The following WDR36 variants were observed in gnomAD, a reference collection of about 807,000 sequenced individuals.
WDR36 encodes WD repeat domain 36, also known as WD repeat-containing protein 36.
Under a neutral mutation model 112.7 loss-of-function variants are expected in WDR36, and 63 were observed. The ratio of observed to expected loss-of-function variants is 0.56; its 90% CI spans 0.46 to 0.69. The LOEUF is 0.69. Ranked by LOEUF, WDR36 falls within the 30% of genes least tolerant of loss-of-function variation. WDR36 has a pLI of 0.00. For missense variants in WDR36, 1,226 were observed against 1,070.3 expected (o/e 1.15, Z -2.03); for synonymous variants, 410 against 362.2 (o/e 1.13, Z -1.50).
At chr5:111,113,050 ATAT>A (rs1321519655) in intron 15 of WDR36, 21 bp from the exon 16 acceptor site, 64 of 467,192 alleles carry the variant, frequency 1.4e-4, no homozygotes, top group East Asian at 3.1e-4. Context: ...ATATATATAT[ATAT>A]TTTTTTTTTT....
chr5:111,111,298 A>T lies in WDR36; in HGVS notation c.1716+20A>T, dbSNP rs1561706459. ...GACATGGTAAAACAAACTCTAACTA[A>T]TAAAACTTGACTCATTTCTACTTTT... On this transcript the variant is annotated intron_variant, in intron 15 of 22. Coordinates refer to ENST00000513710, the MANE Select transcript of WDR36 (RefSeq NM_139281.3). 2.5e-6 allele frequency: 4 copies of T among 1,588,158 alleles called. No individual in the cohort carries two copies. The South Asian group carries it at 3.3e-5, about 13-fold the overall frequency.
chr5:111,118,999 A>G lies in WDR36; in HGVS notation c.1797-14A>G. On this transcript the variant is annotated splice_polypyrimidine_tract_variant and intron_variant, in intron 16 of 22. Transcript: ENST00000513710. ...AGAGTTCAAATACTTTTAACATGTT[A>G]ATTATTTCTGTAGCCTTATAGACTG... 10 of 1,596,404 alleles carry G rather than the reference A, an allele frequency of 6.3e-6. No individual in the cohort carries two copies. The highest frequency in any genetic ancestry group is 8.6e-6 in the Non-Finnish European group (10 of 1,164,230).
In WDR36 at chr5:111,128,056, A is replaced by G. The variant is rs1753710632; in HGVS notation, c.*1173A>G. ...CCTGGAGTTTTCTTTTTTTCTCATC[A>G]TCATTGTTTTGTTTTTTTTATGGTT... On this transcript the variant is annotated 3_prime_UTR_variant, in exon 23 of 23. Coordinates refer to ENST00000513710, the MANE Select transcript of WDR36 (RefSeq NM_139281.3). 5.1e-6 allele frequency: 1 copy of G among 195,394 alleles called. No individual in the cohort carries two copies. The allele number at this position is 195,394 out of a possible 1,614,324, so 12.1% of individuals were successfully genotyped here.
chr5:111,098,282 G>T (rs1561701338), intron 3 of WDR36, among the ~76,000 whole-genome samples: 1 of 151,712 alleles, frequency 6.6e-6, no homozygotes, highest in Non-Finnish European at 1.5e-5. Flanking sequence ...AAAGCAGAAG[G>T]GTATGGGGAA....
intron 3 of WDR36, 143 bp downstream of exon 3, chr5:111,097,322 G>T: frequency 1.5e-6 from 1 of 657,808 alleles, no homozygotes; most frequent in Non-Finnish European, 2.7e-6. Context: ...TCAGTTTTCT[G>T]GAGGAAGATA....
intron 1 of WDR36, 81 bp from the exon 2 acceptor site, chr5:111,094,839 G>A: frequency 8.7e-7 from 1 of 1,149,908 alleles, no homozygotes; most frequent in Non-Finnish European, 1.3e-6. Flanking sequence ...TACGTATGAG[G>A]TTATATCTTA....
chr5:111,125,027 G>C (rs185165534), intron 21 of WDR36, among the ~76,000 whole-genome samples: 217 of 152,324 alleles, frequency 1.4e-3, no homozygotes, highest in Non-Finnish European at 1.2e-3. Flanking sequence ...AGTGTACTGA[G>C]TGTGTTTTCC....
chr5:111,125,523 C>T (rs547538069), intron 21 of WDR36, 85 bp from the exon 22 acceptor site: 2 of 1,330,268 alleles, frequency 1.5e-6, no homozygotes, highest in African/African-American at 1.5e-5. Context: ...TTAAATATAT[C>T]CTATTTGGGG....
chr5:111,104,309 G>A lies in WDR36; in HGVS notation c.863G>A (p.Arg288Lys), dbSNP rs146341444. 6.8e-6 allele frequency: 11 copies of A among 1,611,950 alleles called. No homozygotes were observed. The highest frequency in any genetic ancestry group is 1.3e-5 in the African/African-American group (1 of 74,750). ...ATTGCCGGACTGACATTTCTCCATA[G>A]AGAGCCACTTCTTGTCACAAATGGC... ...TAIAGLTFLH[R>K]EPLLVTNGAD... is the part of the protein sequence containing the mutation. The change falls in exon 8 of 23, where the codon AGA becomes AAA. Residue 288 changes from arginine (R) to lysine (K), a missense_variant. Coordinates refer to ENST00000513710, the MANE Select transcript of WDR36 (RefSeq NM_139281.3).
At position 111,126,812 on chromosome 5, in the gene WDR36, T is replaced by C; in HGVS notation, c.2617T>C (p.Trp873Arg). 6.2e-7 allele frequency: 1 copy of C among 1,613,784 alleles called. No homozygotes were observed. The highest frequency in any genetic ancestry group is 8.5e-7 in the Non-Finnish European group (1 of 1,179,826). ...TNLSSQVEENWTHLQSLFNQS... is the reference protein window; with the variant it reads ...TNLSSQVEENRTHLQSLFNQS... ...TTTGTCATCCCAGGTGGAAGAAAACTGGACCCATTTGCAATCACTCTTCAA... is the reference window on the plus strand; with the variant it reads ...TTTGTCATCCCAGGTGGAAGAAAACCGGACCCATTTGCAATCACTCTTCAA... Residue 873 changes from tryptophan to arginine, a missense_variant, in exon 23 of 23, where the codon TGG (tryptophan) becomes CGG (arginine). Coordinates refer to ENST00000513710, the MANE Select transcript of WDR36 (RefSeq NM_139281.3).
intron 3 of WDR36, among the ~76,000 whole-genome samples, chr5:111,098,309 C>G (rs572716999): frequency 6.7e-6 from 1 of 148,490 alleles, no homozygotes; most frequent in Non-Finnish European, 1.5e-5. Context: ...CCTATATCCC[C>G]CTTTCCCATC....
rs935871571 is a variant in WDR36, at chr5:111,130,087, T to C, written c.*3204T>C. 23 of 210,366 alleles carry C rather than the reference T, an allele frequency of 1.1e-4. No individual in the cohort carries two copies. The highest frequency in any genetic ancestry group is 1.8e-4 in the African/African-American group (8 of 44,110). The allele number at this position is 210,366 out of a possible 1,614,324, so 13.0% of individuals were successfully genotyped here. ...TCATGTTCTATAAAAATTGGTTAAC[T>C]GCTGGTGAGCACATCTCTTGAAGTT... On this transcript the variant is annotated 3_prime_UTR_variant, in exon 23 of 23. Transcript: ENST00000513710.
At chr5:111,097,723 A>G (rs750955100) in intron 3 of WDR36, among the ~76,000 whole-genome samples, 5 of 152,322 alleles carry the variant, frequency 3.3e-5, no homozygotes, top group Non-Finnish European at 7.3e-5. Flanking sequence ...TTGTCCTGGA[A>G]CAACTAGCTT....
intron 12 of WDR36, among the ~76,000 whole-genome samples, chr5:111,108,229 GT>G (rs930943967): frequency 6.6e-5 from 10 of 150,744 alleles, no homozygotes; most frequent in African/African-American, 2.2e-4. Context: ...CTGAAGTAGA[GT>G]TTTTTTGTTT....
At chr5:111,108,705 A>G (rs1753267130) in intron 12 of WDR36, among the ~76,000 whole-genome samples, 1 of 151,348 alleles carries the variant, frequency 6.6e-6, no homozygotes, top group Non-Finnish European at 1.5e-5. Flanking sequence ...ACAGCATGGT[A>G]CATTGGTTAG....
Position 111,120,522 on chromosome 5 carries a change from T to C in WDR36, c.1931T>C (p.Val644Ala). ...LWSNISLYSVVSLRPLPADYV... is the reference protein window; with the variant it reads ...LWSNISLYSVASLRPLPADYV... Reference sequence around the variant, plus strand: ...TCCAATATTTCCCTGTATTCAGTTGTTTCATTACGGCCACTTCCTGCAGAT... The same window carrying C: ...TCCAATATTTCCCTGTATTCAGTTGCTTCATTACGGCCACTTCCTGCAGAT... The change falls in exon 18 of 23, where the codon GTT (valine) becomes GCT (alanine). Residue 644 changes from valine (V) to alanine (A), a missense_variant. Val to Ala is a moderately conservative substitution (Grantham distance 64, BLOSUM62 0). Transcript: ENST00000513710. 1 of 1,613,086 alleles carries C rather than the reference T, an allele frequency of 6.2e-7. No individual in the cohort carries two copies. Among genetic ancestry groups the C allele is most frequent in the Non-Finnish European group, 8.5e-7 (1 of 1,179,328 alleles).
intron 2 of WDR36, among the ~76,000 whole-genome samples, chr5:111,095,434 A>T (rs934894073): frequency 6.6e-6 from 1 of 152,196 alleles, no homozygotes; most frequent in African/African-American, 2.4e-5. Context: ...CACTGGGACT[A>T]TGTAAATATC....
Position 111,127,701 on chromosome 5 carries a change from G to A in WDR36, c.*818G>A, listed in dbSNP as rs958899287. The stretch of plus-strand genomic sequence containing the variant: ...TTGCCCAAGGCAAGTCGCTGTAGAT[G>A]GTTAAACTGATACCAAGGATAGGTA... On this transcript the variant is annotated 3_prime_UTR_variant, in exon 23 of 23. Coordinates refer to ENST00000513710, the MANE Select transcript of WDR36 (RefSeq NM_139281.3). The A allele has an allele frequency of 4.7e-6, 1 of 211,308 alleles. No homozygotes were observed. Among genetic ancestry groups the A allele is most frequent in the East Asian group, 7.1e-5 (1 of 14,106 alleles). 13.1% of individuals were successfully genotyped at this position (211,308 alleles called of 1,614,324 possible). A position where few individuals can be genotyped will look rare whatever the true frequency, so the allele number is the denominator to read the frequency against.
At chr5:111,120,650 G>T in intron 18 of WDR36, 57 bp downstream of exon 18, 1 of 1,429,848 alleles carries the variant, frequency 7.0e-7, no homozygotes, top group South Asian at 1.2e-5. Flanking sequence ...CCTAATGTAG[G>T]AGATATTGCT....
Sources: gnomAD v4.1 joint callset for allele counts (sites outside exome capture counted in the v4.1 genomes callset) on GRCh38, gnomAD v4.1.1 for gene constraint, MANE v1.5 for transcripts, NCBI Gene and HGNC (gene_info 2026-07-23, HGNC 2026-07-21) for gene names.